Variants in CRB1 observed in about 807,000 individuals in gnomAD.
CRB1 encodes the protein protein crumbs homolog 1.
A neutral mutation model predicts 120.0 loss-of-function variants in CRB1; 83 were observed. That is an observed-to-expected ratio of 0.69 (90% CI 0.58 to 0.83). The LOEUF is 0.83. Ranked by LOEUF, CRB1 falls within the 40% of genes least tolerant of loss-of-function variation. CRB1 has a pLI of 0.00. For synonymous variants in CRB1, 625 were observed against 612.5 expected (o/e 1.02, Z -0.30); for missense variants, 1,699 against 1,687.6 (o/e 1.01, Z -0.12).
chr1:197,376,781 C>T (rs1206651812), intron 5 of CRB1, among the ~76,000 whole-genome samples: 5 of 152,154 alleles, frequency 3.3e-5, no homozygotes, highest in Non-Finnish European at 7.4e-5. Flanking sequence ...TCATGTGAGT[C>T]TTCCATTCAA....
chr1:197,210,609 C>A, the CRB1 span, among the ~76,000 whole-genome samples: 16 of 152,032 alleles, frequency 1.1e-4, no homozygotes, highest in East Asian at 3.1e-3. Context: ...GTCTACCTAT[C>A]TAAGAGCCTA....
chr1:197,399,803 A>C (rs757212684), intron 5 of CRB1, among the ~76,000 whole-genome samples: 1 of 151,952 alleles, frequency 6.6e-6, no homozygotes, highest in Non-Finnish European at 1.5e-5. Context: ...AAATTCCTTC[A>C]GGGTGGTTAG....
chr1:197,429,243 C>G, intron 7 of CRB1: 1 of 1,393,010 alleles, frequency 7.2e-7, no homozygotes, highest in South Asian at 1.4e-5. Flanking sequence ...TTCTCTCTCT[C>G]TGCCACCACT....
chr1:197,328,417 T>G lies in CRB1; in HGVS notation c.71-5T>G, dbSNP rs748905381. 1 of 1,605,032 alleles carries G rather than the reference T, an allele frequency of 6.2e-7. No individual in the cohort carries two copies. Among genetic ancestry groups the G allele is most frequent in the South Asian group, 1.1e-5 (1 of 90,824 alleles). On this transcript the variant is annotated splice_polypyrimidine_tract_variant and splice_region_variant and intron_variant, in intron 1 of 11. Transcript: ENST00000367400. ...TTAATCTTGTTACTTTTTATTTCCTTGTAGATTCCTTTTGCAATAAAAACA... is the reference window on the plus strand; with the variant it reads ...TTAATCTTGTTACTTTTTATTTCCTGGTAGATTCCTTTTGCAATAAAAACA...
At chr1:197,474,762 G>A (rs1667127327) in intron 11 of CRB1, among the ~76,000 whole-genome samples, 1 of 152,262 alleles carries the variant, frequency 6.6e-6, no homozygotes, top group Admixed American at 6.5e-5. Flanking sequence ...TCTCATCCAG[G>A]AGAACCGCCA....
chr1:197,425,844 C>T (rs1035029711), intron 6 of CRB1, among the ~76,000 whole-genome samples: 4 of 151,990 alleles, frequency 2.6e-5, no homozygotes, highest in Admixed American at 2.0e-4. Context: ...TGATCTCATC[C>T]AGTCTTGTGG....
At chr1:197,288,475 T>C (rs1290576227) in intron 1 of CRB1, among the ~76,000 whole-genome samples, 4 of 151,752 alleles carry the variant, frequency 2.6e-5, no homozygotes, top group Non-Finnish European at 4.4e-5. Context: ...CAAGAAGGCA[T>C]GCATAGAAAC....
In CRB1 at chr1:197,428,507, C is replaced by T. The variant is rs78369319; in HGVS notation, c.2676+506C>T. 7.2e-4 allele frequency among the ~76,000 whole-genome samples: 109 copies of T among 152,306 alleles called. No homozygotes were observed. In the East Asian group the frequency reaches 0.02, roughly 28 times the overall value. ...AAGCCCAAGCTTTACTTTAAATATT[C>T]TATGTGCTCTTCTAAGAGCTGCTTA... is the stretch of plus-strand genomic sequence containing the variant. On this transcript the variant is annotated intron_variant, in intron 7 of 11. Transcript: ENST00000367400.
At position 197,435,200 on chromosome 1, in the gene CRB1, G is replaced by A. The variant is rs1197854706; in HGVS notation, c.3337G>A (p.Val1113Ile). The change falls in exon 9 of 12, where the codon GTT (valine) becomes ATT (isoleucine). Residue 1113 changes from valine (V) to isoleucine (I), a missense_variant. Coordinates refer to ENST00000367400, the MANE Select transcript of CRB1 (RefSeq NM_201253.3). ...GGIYLSYFENVHGFINKPQEE... is the reference protein window; with the variant it reads ...GGIYLSYFENIHGFINKPQEE... ...CATTTATCTCTCTTACTTTGAAAAT[G>A]TTCATGGTTTCATTAATAAACCTCA... The A allele has an allele frequency of 6.2e-7, 1 of 1,613,904 alleles. No individual in the cohort carries two copies. The highest frequency in any genetic ancestry group is 8.5e-7 in the Non-Finnish European group (1 of 1,179,874).
chr1:197,298,976 G>T (rs890595676), intron 1 of CRB1, among the ~76,000 whole-genome samples: 2 of 151,830 alleles, frequency 1.3e-5, no homozygotes, highest in Admixed American at 6.6e-5. Flanking sequence ...TAAGACAAAA[G>T]TGGTAATTAT....
At chr1:197,475,580 A>G (rs963906598) in intron 11 of CRB1, among the ~76,000 whole-genome samples, 4 of 151,968 alleles carry the variant, frequency 2.6e-5, no homozygotes, top group Admixed American at 2.6e-4. Flanking sequence ...CCCATCCTCC[A>G]CCCTGTTACC....
At chr1:197,465,638 C>G (rs1666720069) in intron 11 of CRB1, among the ~76,000 whole-genome samples, 1 of 152,198 alleles carries the variant, frequency 6.6e-6, no homozygotes, top group Non-Finnish European at 1.5e-5. Context: ...GGATCCATCT[C>G]TGTTTAGACA....
intron 10 of CRB1, chr1:197,441,649 T>C: frequency 1.4e-5 from 2 of 145,172 alleles, no homozygotes; most frequent in African/African-American, 2.5e-5. Context: ...CTCCTCCTCC[T>C]TCCCTCCTTC....
the CRB1 span, among the ~76,000 whole-genome samples, chr1:197,209,490 C>T: frequency 0.58 from 88,141 of 151,912 alleles, 29,175 homozygotes; most frequent in East Asian, 0.91. Flanking sequence ...GGACTACAGG[C>T]GAGTGCCACC....
chr1:197,278,568 C>G (rs953765548), intron 1 of CRB1, among the ~76,000 whole-genome samples: 11 of 151,880 alleles, frequency 7.2e-5, no homozygotes, highest in African/African-American at 2.2e-4. Flanking sequence ...AAAGCTTCAG[C>G]TCAGCTTTGA....
At chr1:197,295,792 G>T (rs149600333) in intron 1 of CRB1, among the ~76,000 whole-genome samples, 1 of 151,890 alleles carries the variant, frequency 6.6e-6, no homozygotes, top group Non-Finnish European at 1.5e-5. Flanking sequence ...TATGGCTGAG[G>T]ATCTAATCTT....
At chr1:197,258,810 C>A in the CRB1 span, among the ~76,000 whole-genome samples, 586 of 152,160 alleles carry the variant, frequency 3.9e-3, 3 homozygotes, top group Admixed American at 6.3e-3. Flanking sequence ...AAAAATAGAA[C>A]CTGCTTCATA....
chr1:197,445,193 T>C (rs1325480209), intron 11 of CRB1, among the ~76,000 whole-genome samples: 1 of 152,236 alleles, frequency 6.6e-6, no homozygotes, highest in Non-Finnish European at 1.5e-5. Context: ...CTAACTCCTC[T>C]GGACCAAGCT....
chr1:197,333,715 A>G lies in CRB1; in HGVS notation c.652+4712A>G, dbSNP rs755481627. On this transcript the variant is annotated intron_variant, in intron 2 of 11. Coordinates refer to ENST00000367400, the MANE Select transcript of CRB1 (RefSeq NM_201253.3). ...CAGAAATAAAAATGTACAAAAATTC[A>G]TCATATAGTGAAGGAAATGTATTTG... is the stretch of plus-strand genomic sequence containing the variant. Among the ~76,000 whole-genome samples the G allele has an allele frequency of 1.2e-4, 18 of 152,366 alleles. No homozygotes were observed. In the South Asian group the frequency reaches 3.7e-3, roughly 32 times the overall value.
Sources: allele counts gnomAD v4.1 joint callset (sites outside exome capture counted in the v4.1 genomes callset), GRCh38; gene constraint gnomAD v4.1.1; transcripts MANE v1.5; gene names NCBI Gene and HGNC (gene_info 2026-07-23, HGNC 2026-07-21).